Variants in MMEL1 observed in about 807,000 individuals in gnomAD.
MMEL1 encodes the protein membrane metallo-endopeptidase-like 1.
In MMEL1, 98 loss-of-function variants were observed where a neutral mutation model predicts 117.1. The ratio of observed to expected loss-of-function variants is 0.84; its 90% CI spans 0.71 to 0.99. MMEL1 has a LOEUF of 0.99. Among genes scored for constraint, MMEL1 ranks in the 50% least tolerant of loss-of-function variants. The pLI, the probability that MMEL1 is intolerant of heterozygous loss-of-function variation, is 0.00. For synonymous variants in MMEL1, 390 were observed against 415.1 expected, an observed-to-expected ratio of 0.94 and a Z score of 0.74; for missense variants, 1,014 against 1,049.1, an observed-to-expected ratio of 0.97 and a Z score of 0.46.
intron 2 of MMEL1, among the ~76,000 whole-genome samples, chr1:2,626,510 T>C (rs941708527): frequency 6.6e-6 from 1 of 152,236 alleles, no homozygotes; most frequent in Non-Finnish European, 1.5e-5. Flanking sequence ...TAGCCATAGA[T>C]GATACATAAA....
chr1:2,605,680 C>G (rs1365906486), intron 8 of MMEL1, 57 bp from the exon 9 acceptor site: 1 of 1,362,176 alleles, frequency 7.3e-7, no homozygotes, highest in East Asian at 2.3e-5. Context: ...CGCAGCCTGG[C>G]TGAGGCAGGC....
At chr1:2,598,158 C>T (rs750547273) in intron 13 of MMEL1, 49 bp downstream of exon 13, 6 of 1,532,770 alleles carry the variant, frequency 3.9e-6, no homozygotes, top group Non-Finnish European at 5.4e-6. Context: ...AGCATCGTGG[C>T]CTGAATGAAT....
chr1:2,598,913 T>C (rs1490440168), intron 11 of MMEL1, 123 bp from the exon 12 acceptor site: 1 of 787,500 alleles, frequency 1.3e-6, no homozygotes, highest in Non-Finnish European at 2.0e-6. Context: ...GTGCAGGTAA[T>C]CAGAATCAGG....
chr1:2,614,971 C>T (rs759681190), intron 2 of MMEL1, among the ~76,000 whole-genome samples: 1 of 152,052 alleles, frequency 6.6e-6, no homozygotes, highest in Non-Finnish European at 1.5e-5. Flanking sequence ...CAACTGACAA[C>T]TCCCAATGGC....
intron 4 of MMEL1, 98 bp from the exon 5 acceptor site, chr1:2,609,929 CT>C: frequency 7.3e-7 from 1 of 1,362,742 alleles, no homozygotes; most frequent in Non-Finnish European, 1.0e-6. Context: ...AGCCTGGTCC[CT>C]TGGGAAGGGG....
At chr1:2,601,806 ACCT>A (rs1644936046) in intron 11 of MMEL1, among the ~76,000 whole-genome samples, 1 of 152,218 alleles carries the variant, frequency 6.6e-6, no homozygotes, top group African/African-American at 2.4e-5. Context: ...ATGGCGTTTA[ACCT>A]CCTCCGCCCT....
At chr1:2,601,267 G>A (rs1291329079) in intron 11 of MMEL1, among the ~76,000 whole-genome samples, 1 of 152,114 alleles carries the variant, frequency 6.6e-6, no homozygotes, top group Non-Finnish European at 1.5e-5. Context: ...GAGACCAGTG[G>A]GGCAAAAGAG....
chr1:2,596,907 C>G (rs1644851969), intron 13 of MMEL1, among the ~76,000 whole-genome samples: 1 of 152,108 alleles, frequency 6.6e-6, no homozygotes, highest in Non-Finnish European at 1.5e-5. Context: ...CTTCCGCAGA[C>G]TGAGAGCTGG....
chr1:2,613,168 C>T (rs1645155452), intron 2 of MMEL1, among the ~76,000 whole-genome samples: 1 of 152,176 alleles, frequency 6.6e-6, no homozygotes, highest in Non-Finnish European at 1.5e-5. Context: ...CCTCAAGGAG[C>T]CCCCCGCCCG....
At position 2,598,699 on chromosome 1, in the gene MMEL1, G is replaced by A. The variant is rs1022494258; in HGVS notation, c.1133C>T (p.Pro378Leu). The A allele has an allele frequency of 2.9e-5, 47 of 1,614,000 alleles. No homozygotes were observed. The highest frequency in any genetic ancestry group is 1.1e-4 in the African/African-American group (8 of 74,910). The change falls in exon 12 of 24, where the codon CCC (proline) becomes CTC (leucine). Residue 378 changes from proline to leucine, a missense_variant. By Grantham distance (98) the Pro-to-Leu change is moderately conservative (BLOSUM62 -3). Transcript: ENST00000378412. Reference protein sequence around the residue: ...PDEEVVVYGIPYLQNLENIID... With the variant: ...PDEEVVVYGILYLQNLENIID... ...GATGTTTTCAAGGTTCTGCAGGTAG[G>A]GGATGCCATAGACCACCACTTCCTC...
intron 11 of MMEL1, among the ~76,000 whole-genome samples, chr1:2,600,521 A>C (rs1644913418): frequency 7.5e-6 from 1 of 133,006 alleles, no homozygotes; most frequent in South Asian, 2.4e-4. Flanking sequence ...CAACATAGAG[A>C]AACCCTGTTT....
intron 2 of MMEL1, among the ~76,000 whole-genome samples, chr1:2,623,902 G>C (rs1367847487): frequency 6.6e-6 from 1 of 152,200 alleles, no homozygotes; most frequent in East Asian, 1.9e-4. Flanking sequence ...TTCTGTAGGA[G>C]GGTCAGGAGT....
At chr1:2,630,077 C>T (rs896588179) in intron 1 of MMEL1, 3 of 152,556 alleles carry the variant, frequency 2.0e-5, no homozygotes, top group Non-Finnish European at 2.9e-5. Context: ...GTGTGCAGCT[C>T]TGGTCGTCCC....
chr1:2,626,770 C>T (rs148411475), intron 2 of MMEL1, among the ~76,000 whole-genome samples: 2,095 of 151,662 alleles, frequency 0.014, 24 homozygotes, highest in Admixed American at 0.024. Flanking sequence ...AGATAACTGT[C>T]GAAAAGATAG....
At chr1:2,614,605 A>G (rs1200876254) in intron 2 of MMEL1, among the ~76,000 whole-genome samples, 1 of 152,182 alleles carries the variant, frequency 6.6e-6, no homozygotes, top group Non-Finnish European at 1.5e-5. Context: ...ATATTTATAG[A>G]TATGAGTATC....
Position 2,606,342 on chromosome 1 carries a change from T to A in MMEL1, c.656A>T (p.Gln219Leu). The A allele has an allele frequency of 1.2e-6, 2 of 1,612,264 alleles. No individual in the cohort carries two copies. Among genetic ancestry groups the A allele is most frequent in the East Asian group, 2.2e-5 (1 of 44,878 alleles). ...TVGLEWELER[Q>L]LALMNSQFNR... is the part of the protein sequence containing the mutation. ...GAACTGTGAGTTCATCAGCGCCAGC[T>A]GCCGCTCCAGCTCCCACTCGAGTCC... Residue 219 changes from glutamine (Q) to leucine (L), a missense_variant, in exon 8 of 24, where the codon CAG (glutamine) becomes CTG (leucine). Physicochemically the swap from Gln to Leu is moderately radical, Grantham distance 113. Transcript: ENST00000378412.
rs533579311 is a variant in MMEL1, at chr1:2,595,199, C to T, written c.1584+77G>A. 2.9e-6 allele frequency: 4 copies of T among 1,362,494 alleles called. No homozygotes were observed. In the Admixed American group the frequency reaches 5.5e-5, roughly 19 times the overall value. The allele number at this position is 1,362,494 out of a possible 1,614,324, so 84.4% of individuals were successfully genotyped here. On this transcript the variant is annotated intron_variant, in intron 16 of 23. Transcript: ENST00000378412. This position sits in a 1 kb window ranked among gnomAD's most constrained non-coding sequence, Gnocchi z 4.8. The stretch of plus-strand genomic sequence containing the variant: ...CCTGGGAGGAGGGCACAGAGCTTGG[C>T]ACAGAGGAGCCCCCAGGCAATCAGG...
chr1:2,614,839 G>A (rs909250035), intron 2 of MMEL1, among the ~76,000 whole-genome samples: 3 of 150,832 alleles, frequency 2.0e-5, no homozygotes, highest in African/African-American at 7.3e-5. Context: ...ATACAACTGG[G>A]GTAGGAAACA....
chr1:2,604,415 C>T (rs1270459266), intron 9 of MMEL1, 134 bp from the exon 10 acceptor site: 11 of 1,273,240 alleles, frequency 8.6e-6, no homozygotes, highest in Non-Finnish European at 1.2e-5. Flanking sequence ...GACCAGCAGG[C>T]TCTCGGGCAC....
Sources: gnomAD v4.1 joint callset for allele counts (sites outside exome capture counted in the v4.1 genomes callset) on GRCh38, gnomAD v4.1.1 for gene constraint, Gnocchi (gnomAD v3.1) non-coding constraint, MANE v1.5 for transcripts, NCBI Gene and HGNC (gene_info 2026-07-23, HGNC 2026-07-21) for gene names.